Variants in TTC7B observed in about 807,000 individuals in gnomAD.
TTC7B encodes tetratricopeptide repeat domain 7B.
In TTC7B, 28 loss-of-function variants were observed where a neutral mutation model predicts 106.8. That is an observed-to-expected ratio of 0.26 (90% CI 0.19 to 0.36). TTC7B has a LOEUF of 0.36. TTC7B is among the 10% of genes least tolerant of loss of function. TTC7B has a pLI of 1.00. For synonymous variants in TTC7B, 405 were observed against 430.6 expected, an observed-to-expected ratio of 0.94 and a Z score of 0.74; for missense variants, 862 against 1,076.4, an observed-to-expected ratio of 0.80 and a Z score of 2.79.
At chr14:90,720,460 T>C (rs1223251515) in intron 5 of TTC7B, among the ~76,000 whole-genome samples, 1 of 152,186 alleles carries the variant, frequency 6.6e-6, no homozygotes. Flanking sequence ...TGGAAGCTGA[T>C]AAACACTGGT....
Position 90,530,261 on chromosome 14 carries a change from C to G in TTC7B, c.*11107G>C, listed in dbSNP as rs1366420474. ...CCAGCCTGGGCAATTGAGCGAGACT[C>G]CATCCCAAAAAACAAAAAAATCTAT... On this transcript the variant is annotated 3_prime_UTR_variant, in exon 20 of 20. Transcript: ENST00000328459. The G allele has an allele frequency of 6.6e-6, 1 of 151,864 alleles. No homozygotes were observed. Among genetic ancestry groups the G allele is most frequent in the African/African-American group, 2.4e-5 (1 of 41,362 alleles). 9.4% of individuals were successfully genotyped at this position (151,864 alleles called of 1,614,324 possible). A position where few individuals can be genotyped will look rare whatever the true frequency, so the allele number is the denominator to read the frequency against.
intron 15 of TTC7B, among the ~76,000 whole-genome samples, chr14:90,632,467 G>A (rs1403120236): frequency 4.6e-5 from 7 of 152,142 alleles, no homozygotes; most frequent in Non-Finnish European, 7.3e-5. Context: ...AAAATTATAT[G>A]TATACTCCAC....
At chr14:90,735,113 G>A (rs1222714145) in intron 4 of TTC7B, among the ~76,000 whole-genome samples, 1 of 152,288 alleles carries the variant, frequency 6.6e-6, no homozygotes, top group African/African-American at 2.4e-5. Flanking sequence ...TAGTGCCCCT[G>A]CAGTCAAACA....
At chr14:90,676,962 G>A (rs1165919468) in intron 8 of TTC7B, among the ~76,000 whole-genome samples, 6 of 152,184 alleles carry the variant, frequency 3.9e-5, no homozygotes, top group Admixed American at 2.0e-4. Context: ...CTGGCCTCGG[G>A]TTCATAGCCA....
intron 14 of TTC7B, among the ~76,000 whole-genome samples, chr14:90,646,392 G>A (rs955365392): frequency 2.0e-5 from 3 of 152,222 alleles, no homozygotes; most frequent in South Asian, 2.1e-4. Flanking sequence ...GATGAAGGCC[G>A]ACAAAACTTG....
intron 5 of TTC7B, among the ~76,000 whole-genome samples, chr14:90,709,397 G>T (rs1030205397): frequency 6.6e-6 from 1 of 151,266 alleles, no homozygotes; most frequent in African/African-American, 2.4e-5. Context: ...GGACATGGAT[G>T]AAGCTGGAAA....
chr14:90,556,584 A>G (rs1840766090), intron 19 of TTC7B, among the ~76,000 whole-genome samples: 2 of 152,150 alleles, frequency 1.3e-5, no homozygotes, highest in South Asian at 4.1e-4. Context: ...CCCCAACAAG[A>G]AGTCAGGCAG....
At chr14:90,618,704 C>G (rs1020305891) in intron 15 of TTC7B, among the ~76,000 whole-genome samples, 1 of 152,242 alleles carries the variant, frequency 6.6e-6, no homozygotes, top group African/African-American at 2.4e-5. Context: ...CGTGGCCCCA[C>G]AGGGTAATGC....
intron 3 of TTC7B, chr14:90,766,946 C>G (rs897209840): frequency 6.7e-7 from 1 of 1,501,996 alleles, no homozygotes; most frequent in African/African-American, 1.4e-5. Context: ...ACCAAGACCA[C>G]TGGCCGCCAT....
At position 90,644,085 on chromosome 14, in the gene TTC7B, T is replaced by C. The variant is rs1462120287; in HGVS notation, c.1714A>G (p.Ile572Val). The change falls in exon 15 of 20, where the codon ATC (isoleucine) becomes GTC (valine). Residue 572 changes from isoleucine to valine, a missense_variant. Transcript: ENST00000328459. ...QKHYHDALNI[I>V]DMALSEYPEN... ...GGGTATTCACTCAGGGCCATGTCGA[T>C]GATGTTCAGAGCGTCATGGTAATGC... The C allele has an allele frequency of 2.5e-6, 4 of 1,613,910 alleles. No individual in the cohort carries two copies. The African/African-American group carries it at 5.3e-5, about 22-fold the overall frequency.
intron 19 of TTC7B, 84 bp from the exon 20 acceptor site, chr14:90,541,673 C>T: frequency 8.8e-7 from 1 of 1,138,142 alleles, no homozygotes. Context: ...AGTTTCCAGT[C>T]AGTTCCTCGG....
rs186921713 is a variant in TTC7B at position 90,663,554 on chromosome 14, C to T, written c.1153-5167G>A. On this transcript the variant is annotated intron_variant, in intron 9 of 19. Coordinates refer to ENST00000328459, the MANE Select transcript of TTC7B (RefSeq NM_001010854.2). This position sits in a 1 kb window ranked among gnomAD's most constrained non-coding sequence, Gnocchi z 4.5. ...TCAACTTTACTGATCCCACGATATC[C>T]ACCAGCACCACGGCAGCCAGTGGTG... is the stretch of plus-strand genomic sequence containing the variant. Among the ~76,000 whole-genome samples the T allele has an allele frequency of 6.0e-4, 91 of 152,264 alleles. No individual in the cohort carries two copies. Among genetic ancestry groups the T allele is most frequent in the Non-Finnish European group, 1.1e-3 (76 of 68,026 alleles).
chr14:90,556,915 C>CG (rs952685454), intron 19 of TTC7B, among the ~76,000 whole-genome samples: 17 of 152,074 alleles, frequency 1.1e-4, no homozygotes, highest in African/African-American at 3.1e-4. Context: ...AGCCAGGGAA[C>CG]GGGGGGGACA....
chr14:90,537,381 G>C lies in TTC7B; in HGVS notation c.*3987C>G, dbSNP rs867318663. 2.0e-5 allele frequency: 3 copies of C among 149,880 alleles called. No homozygotes were observed. Among genetic ancestry groups the C allele is most frequent in the Non-Finnish European group, 4.4e-5 (3 of 67,768 alleles). 9.3% of individuals were successfully genotyped at this position (149,880 alleles called of 1,614,324 possible). A position where few individuals can be genotyped will look rare whatever the true frequency, so the allele number is the denominator to read the frequency against. On this transcript the variant is annotated 3_prime_UTR_variant, in exon 20 of 20. Coordinates refer to ENST00000328459, the MANE Select transcript of TTC7B (RefSeq NM_001010854.2). ...TTTTTTTTTTGTAGAGATGGGGGGGGGGTCTCACCATGTTGCCCAGGCTGG... is the reference window on the plus strand; with the variant it reads ...TTTTTTTTTTGTAGAGATGGGGGGGCGGTCTCACCATGTTGCCCAGGCTGG...
At chr14:90,766,578 C>T in intron 3 of TTC7B, 2 of 817,514 alleles carry the variant, frequency 2.4e-6, no homozygotes, top group Non-Finnish European at 4.3e-6. Context: ...TGTGAGTACT[C>T]AACACCATCA....
intron 15 of TTC7B, among the ~76,000 whole-genome samples, chr14:90,618,381 T>G (rs965232736): frequency 6.6e-6 from 1 of 152,246 alleles, no homozygotes; most frequent in African/African-American, 2.4e-5. Flanking sequence ...CCTCAAAAAC[T>G]CATTAAAAGC....
chr14:90,774,765 C>A lies in TTC7B; in HGVS notation c.445+5973G>T, dbSNP rs183481393. ...CTAAAGAGTCCCCCGCTAGGCTGGG[C>A]GCGGTGGCTCACGCCTGTAATCCCA... is the stretch of plus-strand genomic sequence containing the variant. On this transcript the variant is annotated intron_variant, in intron 3 of 19. Transcript: ENST00000328459. 1.7e-3 allele frequency among the ~76,000 whole-genome samples: 260 copies of A among 152,322 alleles called. 3 individuals are homozygous for A. The highest frequency in any genetic ancestry group is 5.5e-3 in the African/African-American group (228 of 41,574).
At chr14:90,666,675 A>T (rs1886423036) in intron 9 of TTC7B, among the ~76,000 whole-genome samples, 1 of 152,208 alleles carries the variant, frequency 6.6e-6, no homozygotes, top group Admixed American at 6.5e-5. Flanking sequence ...AAGCAAATGT[A>T]TCCATGCCCC....
chr14:90,593,686 C>T, intron 17 of TTC7B, 60 bp from the exon 18 acceptor site: 2 of 1,475,518 alleles, frequency 1.4e-6, no homozygotes, highest in South Asian at 1.4e-5. Context: ...AACCAATCAA[C>T]CCCTTCCCAC....
Sources: allele counts gnomAD v4.1 joint callset (sites outside exome capture counted in the v4.1 genomes callset), GRCh38; gene constraint gnomAD v4.1.1; non-coding constraint Gnocchi (gnomAD v3.1); transcripts MANE v1.5; gene names NCBI Gene and HGNC (gene_info 2026-07-23, HGNC 2026-07-21).